Variants in GRAMD1B observed in about 807,000 individuals in gnomAD.
GRAMD1B encodes protein Aster-B.
GRAMD1B carries 37 observed loss-of-function variants against 99.7 expected under a neutral mutation model. The ratio of observed to expected loss-of-function variants is 0.37; its 90% confidence interval spans 0.29 to 0.49. The LOEUF is 0.49. GRAMD1B is among the 20% of genes least tolerant of loss of function. The pLI, the probability that GRAMD1B is intolerant of heterozygous loss-of-function variation, is 0.98. For synonymous variants in GRAMD1B, 427 were observed against 387.6 expected, an observed-to-expected ratio of 1.10 and a Z score of -1.19; for missense variants, 888 against 1,009.2, an observed-to-expected ratio of 0.88 and a Z score of 1.63.
At chr11:123,482,247 T>C (rs1468376233) in intron 2 of GRAMD1B, among the ~76,000 whole-genome samples, 1 of 152,068 alleles carries the variant, frequency 6.6e-6, no homozygotes, top group African/African-American at 2.4e-5. Context: ...TACAGGCAAG[T>C]GCTACCATGC....
intron 2 of GRAMD1B, among the ~76,000 whole-genome samples, chr11:123,536,058 C>T (rs996088855): frequency 2.0e-5 from 3 of 152,178 alleles, no homozygotes; most frequent in East Asian, 1.9e-4. Context: ...GGTTCTGCTG[C>T]TCACTACTGG....
chr11:123,413,665 G>A (rs1012968675), intron 1 of GRAMD1B, among the ~76,000 whole-genome samples: 1 of 151,954 alleles, frequency 6.6e-6, no homozygotes, highest in Non-Finnish European at 1.5e-5. Flanking sequence ...TTCGCCTGAG[G>A]AGTAGGCAGA....
At chr11:123,515,495 A>C (rs189181512) in intron 2 of GRAMD1B, among the ~76,000 whole-genome samples, 1 of 152,358 alleles carries the variant, frequency 6.6e-6, no homozygotes, top group Non-Finnish European at 1.5e-5. Context: ...AATCCAAAAA[A>C]ATCAGATGCC....
intron 2 of GRAMD1B, among the ~76,000 whole-genome samples, chr11:123,546,250 C>T (rs10893051): frequency 0.1 from 15,780 of 152,130 alleles, 2,234 homozygotes; most frequent in African/African-American, 0.32. Context: ...TGTGGGGGAT[C>T]GGGGTGGGTG....
intron 5 of GRAMD1B, 27 bp downstream of exon 5, chr11:123,594,193 G>T: frequency 4.0e-6 from 6 of 1,518,364 alleles, no homozygotes; most frequent in South Asian, 1.1e-5. Context: ...GGGAGGGGAT[G>T]GGAAGGAAGT....
chr11:123,359,825 C>A (rs1216395119), intron 1 of GRAMD1B, among the ~76,000 whole-genome samples: 6 of 152,186 alleles, frequency 3.9e-5, no homozygotes, highest in Non-Finnish European at 5.9e-5. Flanking sequence ...ACTCCCACTA[C>A]TCTGGGCAAG....
At chr11:123,396,185 C>A (rs1402894347) in intron 1 of GRAMD1B, among the ~76,000 whole-genome samples, 1 of 150,228 alleles carries the variant, frequency 6.7e-6, no homozygotes, top group African/African-American at 2.4e-5. Flanking sequence ...TTTCTTTTTT[C>A]TTTTCTTTTC....
chr11:123,597,869 G>T, intron 7 of GRAMD1B: 2 of 777,274 alleles, frequency 2.6e-6, no homozygotes, highest in Middle Eastern at 3.8e-4. Flanking sequence ...AAGAGGATTT[G>T]GTTGGGAGAA....
rs1955397537 is a variant in GRAMD1B at position 123,624,739 on chromosome 11, C to T, written c.*2144C>T. On this transcript the variant is annotated 3_prime_UTR_variant, in exon 20 of 20. Coordinates refer to ENST00000635736, the MANE Select transcript of GRAMD1B (RefSeq NM_001387025.1). Reference sequence around the variant, plus strand: ...AAACTTGTAGATTCCTGAATTTATTCCATACATAATTATTTCCTTAAGTTA... The same window carrying T: ...AAACTTGTAGATTCCTGAATTTATTTCATACATAATTATTTCCTTAAGTTA... 1 of 152,178 alleles carries T rather than the reference C, an allele frequency of 6.6e-6. No homozygotes were observed. Among genetic ancestry groups the T allele is most frequent in the African/African-American group, 2.4e-5 (1 of 41,444 alleles). 9.4% of individuals were successfully genotyped at this position (152,178 alleles called of 1,614,324 possible).
chr11:123,477,621 C>G (rs569357595), intron 1 of GRAMD1B, among the ~76,000 whole-genome samples: 3 of 132,794 alleles, frequency 2.3e-5, no homozygotes, highest in African/African-American at 8.5e-5. Flanking sequence ...TCCTTTCCCT[C>G]TCTCTCCCCT....
At chr11:123,501,208 T>A (rs12285068) in intron 2 of GRAMD1B, among the ~76,000 whole-genome samples, 14,073 of 152,122 alleles carry the variant, frequency 0.093, 894 homozygotes, top group African/African-American at 0.18. Flanking sequence ...TCTCGCTTTA[T>A]CACCCAGTCT....
intron 2 of GRAMD1B, among the ~76,000 whole-genome samples, chr11:123,512,795 C>G (rs780929076): frequency 1.4e-5 from 2 of 146,136 alleles, no homozygotes; most frequent in Non-Finnish European, 3.0e-5. Flanking sequence ...GTGAACCATT[C>G]AGGGCTCTGA....
chr11:123,451,664 A>G (rs1447653940), intron 1 of GRAMD1B, among the ~76,000 whole-genome samples: 1 of 152,090 alleles, frequency 6.6e-6, no homozygotes, highest in African/African-American at 2.4e-5. Flanking sequence ...TCCCCTTCCC[A>G]TTTGGAGGGA....
At chr11:123,479,502 GT>G (rs1951474602) in intron 1 of GRAMD1B, among the ~76,000 whole-genome samples, 1 of 152,204 alleles carries the variant, frequency 6.6e-6, no homozygotes, top group Non-Finnish European at 1.5e-5. Flanking sequence ...TGTTGGTTAT[GT>G]GGTAGCCTTG....
At chr11:123,608,918 G>A (rs1349356917) in intron 12 of GRAMD1B, 116 bp downstream of exon 12, 13 of 743,400 alleles carry the variant, frequency 1.7e-5, no homozygotes, top group Middle Eastern at 3.9e-4. Flanking sequence ...TCCTTCCCTC[G>A]GCCACCTCAG....
chr11:123,555,314 T>A (rs893492259), intron 2 of GRAMD1B, among the ~76,000 whole-genome samples: 2 of 152,182 alleles, frequency 1.3e-5, no homozygotes, highest in African/African-American at 4.8e-5. Context: ...TGTTTATTTA[T>A]GGAAGTAGCA....
chr11:123,502,770 A>G (rs375802764), intron 2 of GRAMD1B, among the ~76,000 whole-genome samples: 31 of 95,098 alleles, frequency 3.3e-4, no homozygotes, highest in African/African-American at 1.1e-3. Flanking sequence ...GCGAGACTCC[A>G]TCTCAAAAAA....
intron 2 of GRAMD1B, chr11:123,560,604 T>G: frequency 7.8e-6 from 4 of 511,866 alleles, no homozygotes; most frequent in African/African-American, 2.0e-5. Context: ...AATGAATGAG[T>G]TCCTCTCTGC....
In GRAMD1B at chr11:123,371,884, A is replaced by G. The variant is rs534256080; in HGVS notation, c.-176+13085A>G. Among the ~76,000 whole-genome samples the G allele has an allele frequency of 3.0e-4, 46 of 152,306 alleles. 1 individual carries two copies. In the South Asian group the frequency reaches 9.3e-3, roughly 31 times the overall value. The stretch of plus-strand genomic sequence containing the variant: ...TGTATCTAGGTGTTGGATCATTTTA[A>G]CATCTGCAGTTTGGTGGAGCTGCAT... On this transcript the variant is annotated intron_variant, in intron 1 of 20. Transcript: ENST00000638157.
Sources: allele counts gnomAD v4.1 joint callset (sites outside exome capture counted in the v4.1 genomes callset), GRCh38; gene constraint gnomAD v4.1.1; transcripts MANE v1.5; gene names NCBI Gene and HGNC (gene_info 2026-07-23, HGNC 2026-07-21).